NEDD4L: variants seen among roughly 807,000 people sequenced by gnomAD.
NEDD4L encodes the protein NEDD4 like E3 ubiquitin protein ligase.
NEDD4L carries 54 observed loss-of-function variants against 148.9 expected under a neutral mutation model. The observed-to-expected ratio is 0.36, with a 90% confidence interval of 0.29 to 0.45. The LOEUF (loss-of-function observed/expected upper bound fraction) is 0.45, where lower values mean the gene tolerates loss of function less well. Among genes scored for constraint, NEDD4L ranks in the 20% least tolerant of loss-of-function variants. The pLI is 1.00. For synonymous variants in NEDD4L, 433 were observed against 440.7 expected, an observed-to-expected ratio of 0.98 and a Z score of 0.22; for missense variants, 856 against 1,233.8, an observed-to-expected ratio of 0.69 and a Z score of 4.59.
chr18:58,378,923 G>A (rs560138244), intron 24 of NEDD4L, among the ~76,000 whole-genome samples: 1 of 152,336 alleles, frequency 6.6e-6, no homozygotes, highest in Non-Finnish European at 1.5e-5. Flanking sequence ...AAGTTCCTCT[G>A]ATCTCTGTGA....
chr18:58,365,367 C>G (rs1221000420), intron 20 of NEDD4L, among the ~76,000 whole-genome samples: 2 of 152,364 alleles, frequency 1.3e-5, no homozygotes, highest in South Asian at 2.1e-4. Flanking sequence ...GAAACCATCT[C>G]TGCACATTCA....
chr18:58,126,623 G>A (rs543784315), intron 1 of NEDD4L, among the ~76,000 whole-genome samples: 19 of 152,268 alleles, frequency 1.2e-4, no homozygotes, highest in African/African-American at 4.1e-4. Context: ...TGTGGACATA[G>A]ACTTAGGAAT....
At chr18:58,248,786 T>A in intron 3 of NEDD4L, 113 bp from the exon 4 acceptor site, 1 of 624,678 alleles carries the variant, frequency 1.6e-6, no homozygotes, top group Non-Finnish European at 2.9e-6. Flanking sequence ...TAAATGCTTC[T>A]CTTAGCTTTT....
At chr18:58,141,141 G>A (rs531814147) in intron 1 of NEDD4L, among the ~76,000 whole-genome samples, 3 of 152,318 alleles carry the variant, frequency 2.0e-5, no homozygotes, top group East Asian at 3.9e-4. Flanking sequence ...CACCCAGCAC[G>A]GGGTGGCTGC....
intron 1 of NEDD4L, among the ~76,000 whole-genome samples, chr18:58,117,689 A>T (rs2085940798): frequency 6.6e-6 from 1 of 152,074 alleles, no homozygotes; most frequent in Admixed American, 6.5e-5. Flanking sequence ...GGCTATTCTG[A>T]GGTCCTTTCC....
chr18:58,360,235 T>G (rs956428724), intron 19 of NEDD4L, among the ~76,000 whole-genome samples: 7 of 152,242 alleles, frequency 4.6e-5, no homozygotes, highest in African/African-American at 1.7e-4. Context: ...ATGGGGATTG[T>G]GTCTTTCCTC....
chr18:58,275,169 A>T (rs1299631949), intron 5 of NEDD4L, among the ~76,000 whole-genome samples: 1 of 152,184 alleles, frequency 6.6e-6, no homozygotes, highest in Admixed American at 6.5e-5. Flanking sequence ...TGTTATAAAA[A>T]TTAAATACTG....
At chr18:58,340,404 C>G (rs1202253291) in intron 13 of NEDD4L, among the ~76,000 whole-genome samples, 1 of 152,158 alleles carries the variant, frequency 6.6e-6, no homozygotes, top group Non-Finnish European at 1.5e-5. Context: ...GTGCACATAG[C>G]CTGGGGTGTG....
chr18:58,239,457 C>T (rs949946318), intron 2 of NEDD4L, among the ~76,000 whole-genome samples: 1 of 152,124 alleles, frequency 6.6e-6, no homozygotes, highest in Non-Finnish European at 1.5e-5. Flanking sequence ...GAATGTAATC[C>T]CCCTTGACAT....
At chr18:58,052,154 T>G (rs1234744427) in intron 1 of NEDD4L, among the ~76,000 whole-genome samples, 1 of 152,228 alleles carries the variant, frequency 6.6e-6, no homozygotes, top group African/African-American at 2.4e-5. Flanking sequence ...GTGTGGACCC[T>G]TCTGTAACTT....
At chr18:58,336,566 G>T (rs921199340) in intron 13 of NEDD4L, among the ~76,000 whole-genome samples, 15 of 150,716 alleles carry the variant, frequency 1.0e-4, no homozygotes, top group African/African-American at 3.7e-4. Flanking sequence ...GACAGAGCGA[G>T]ACTCCATCTC....
At chr18:58,327,931 C>CA (rs200568596) in intron 9 of NEDD4L, among the ~76,000 whole-genome samples, 1,518 of 144,750 alleles carry the variant, frequency 0.01, 15 homozygotes, top group African/African-American at 0.033. Context: ...TAATTTACTG[C>CA]AAAAAAAAAA....
At chr18:58,203,143 T>G (rs1302316128) in intron 2 of NEDD4L, among the ~76,000 whole-genome samples, 1 of 152,110 alleles carries the variant, frequency 6.6e-6, no homozygotes, top group Non-Finnish European at 1.5e-5. Context: ...ATTTTTTTAT[T>G]TTTTGTAGAG....
At chr18:58,094,305 C>G (rs1568207045) in intron 1 of NEDD4L, among the ~76,000 whole-genome samples, 1 of 152,016 alleles carries the variant, frequency 6.6e-6, no homozygotes, top group South Asian at 2.1e-4. Flanking sequence ...TTGCCACAGC[C>G]TCCCAGATAG....
intron 24 of NEDD4L, among the ~76,000 whole-genome samples, chr18:58,382,976 A>T (rs760611621): frequency 5.3e-5 from 8 of 152,186 alleles, no homozygotes; most frequent in Non-Finnish European, 1.2e-4. Context: ...CAGAGGAAAA[A>T]ATGTTGCTCT....
chr18:58,287,797 G>A (rs1361014774), intron 5 of NEDD4L, among the ~76,000 whole-genome samples: 5 of 152,086 alleles, frequency 3.3e-5, no homozygotes, highest in African/African-American at 9.7e-5. Flanking sequence ...ACGTGTGCGC[G>A]AGCCTGTGTG....
chr18:58,360,682 C>G (rs952238546), intron 19 of NEDD4L, among the ~76,000 whole-genome samples: 1 of 152,058 alleles, frequency 6.6e-6, no homozygotes, highest in East Asian at 1.9e-4. Flanking sequence ...CATTAAATCT[C>G]CCACTACGTC....
Position 58,094,900 on chromosome 18 carries a change from T to TTAA in NEDD4L, c.48+50192_48+50193insTAA, listed in dbSNP as rs751417792. ...CGTGAATGCCTCTAGAAAGAGCACTTAAAAAAAAAAAAAAAAAAGAAGGGA... is the reference window on the plus strand; with the variant it reads ...CGTGAATGCCTCTAGAAAGAGCACTTTAAAAAAAAAAAAAAAAAAAAGAAGGGA... On this transcript the variant is annotated intron_variant, in intron 1 of 30. Transcript: ENST00000400345. Among the ~76,000 whole-genome samples the TTAA allele has an allele frequency of 1.3e-3, 163 of 129,530 alleles. 2 individuals are homozygous for TTAA. Among genetic ancestry groups the TTAA allele is most frequent in the Admixed American group, 0.01 (131 of 12,888 alleles). 85.0% of individuals were successfully genotyped at this position (129,530 alleles called of 152,430 possible). A position where few individuals can be genotyped will look rare whatever the true frequency, so the allele number is the denominator to read the frequency against.
chr18:58,093,696 T>C (rs1479280984), intron 1 of NEDD4L, among the ~76,000 whole-genome samples: 1 of 152,222 alleles, frequency 6.6e-6, no homozygotes, highest in East Asian at 1.9e-4. Context: ...GATGATAGAA[T>C]GCAGTGGTCA....
Sources: gnomAD v4.1 joint callset for allele counts (sites outside exome capture counted in the v4.1 genomes callset) on GRCh38, gnomAD v4.1.1 for gene constraint, MANE v1.5 for transcripts, NCBI Gene and HGNC (gene_info 2026-07-23, HGNC 2026-07-21) for gene names.